SUPT5H: variants seen among roughly 807,000 people sequenced by gnomAD.
SUPT5H encodes SPT5 homolog, DSIF elongation factor subunit.
SUPT5H carries 24 observed loss-of-function variants against 142.5 expected under a neutral mutation model. That is an observed-to-expected ratio of 0.17 (90% confidence interval 0.12 to 0.24). The LOEUF is 0.24. Among genes scored for constraint, SUPT5H ranks in the 10% least tolerant of loss-of-function variants. The pLI is 1.00. For missense variants in SUPT5H, 893 were observed against 1,471.8 expected (o/e 0.61, Z 6.43); for synonymous variants, 546 against 553.0 (o/e 0.99, Z 0.18).
chr19:39,466,766 G>A lies in SUPT5H; in HGVS notation c.1037+21G>A. On this transcript the variant is annotated intron_variant, in intron 13 of 29. Transcript: ENST00000432763. This position sits in a 1 kb window ranked among gnomAD's most constrained non-coding sequence, Gnocchi z 4.3. ...ATCAGGTGCGTGTCCTTGGGGACTG[G>A]CTGGGCTGGGTCCCCAGGGCCGGTG... 1 of 1,612,710 alleles carries A rather than the reference G, an allele frequency of 6.2e-7. No homozygotes were observed. Among genetic ancestry groups the A allele is most frequent in the Non-Finnish European group, 8.5e-7 (1 of 1,178,720 alleles).
Position 39,473,147 on chromosome 19 carries a change from G to C in SUPT5H, c.2258+33G>C, listed in dbSNP as rs774371260. 3.8e-5 allele frequency: 62 copies of C among 1,611,082 alleles called. No individual in the cohort carries two copies. Among genetic ancestry groups the C allele is most frequent in the Non-Finnish European group, 5.3e-5 (62 of 1,179,582 alleles). On this transcript the variant is annotated intron_variant, in intron 23 of 29. Transcript: ENST00000432763. This position sits in a 1 kb window ranked among gnomAD's most constrained non-coding sequence, Gnocchi z 5.8. The stretch of plus-strand genomic sequence containing the variant: ...CGGGGCCTGGGGAGGGCCAGGGTGG[G>C]GCTTGCTAGGCAGTGAGAGGGGTCT...
chr19:39,455,245 A>T (rs1285332839), intron 3 of SUPT5H, among the ~76,000 whole-genome samples: 1 of 152,100 alleles, frequency 6.6e-6, no homozygotes, highest in Non-Finnish European at 1.5e-5. Flanking sequence ...AGAAAAAGAA[A>T]GGTACAGAAC....
rs564362099 is a variant in SUPT5H, at chr19:39,471,408, C to G, written c.1729C>G (p.Arg577Gly). 6.2e-7 allele frequency: 1 copy of G among 1,614,190 alleles called. No individual in the cohort carries two copies. The highest frequency in any genetic ancestry group is 1.3e-5 in the African/African-American group (1 of 75,050). ...GACTGTCAGACATCAGGCTGTGACC[C>G]GGAAGAAGGACAACCGCTTTGCTGT... ...VVTVRHQAVTRKKDNRFAVAL... is the reference protein window; with the variant it reads ...VVTVRHQAVTGKKDNRFAVAL... The change falls in exon 19 of 30, where the codon CGG becomes GGG. Residue 577 changes from arginine to glycine, a missense_variant. By Grantham distance (125) the Arg-to-Gly change is moderately radical. Around this residue, in one of 6 missense-constraint regions of SUPT5H, gnomAD observed 428 missense variants for 763.5 expected, o/e 0.56. Transcript: ENST00000432763.
chr19:39,451,283 G>T (rs1209464711), intron 2 of SUPT5H, among the ~76,000 whole-genome samples: 1 of 147,584 alleles, frequency 6.8e-6, no homozygotes, highest in Non-Finnish European at 1.5e-5. Flanking sequence ...GTGCCTCCCA[G>T]GTTCAAACAA....
chr19:39,476,332 G>C lies in SUPT5H; in HGVS notation c.3197G>C (p.Arg1066Pro). Residue 1066 changes from arginine (R) to proline (P), a missense_variant, in exon 30 of 30, where the codon CGT becomes CCT. This residue lies in a region of SUPT5H where 336 missense variants were observed against 546.5 expected (regional missense o/e 0.61). Transcript: ENST00000432763. Reference protein sequence around the residue: ...LSIDGEDGIVRMDLDEQLKIL... With the variant: ...LSIDGEDGIVPMDLDEQLKIL... ...ATTGATGGTGAGGATGGCATTGTCC[G>C]TATGGACCTTGATGAGCAGCTCAAG... The C allele has an allele frequency of 6.2e-7, 1 of 1,614,112 alleles. No homozygotes were observed. The highest frequency in any genetic ancestry group is 8.5e-7 in the Non-Finnish European group (1 of 1,180,014).
rs1303614644 is a variant in SUPT5H, at chr19:39,458,175, C to A, written c.308-119C>A. On this transcript the variant is annotated intron_variant, in intron 4 of 29. Coordinates refer to ENST00000432763, the MANE Select transcript of SUPT5H (RefSeq NM_001111020.3). This position sits in a 1 kb window ranked among gnomAD's most constrained non-coding sequence, Gnocchi z 4.2. Reference sequence around the variant, plus strand: ...TTCTGTGTCCCTCCCTTCCCCTCCCCCAACCCATTGGTTGATTTTGCTGCT... The same window carrying A: ...TTCTGTGTCCCTCCCTTCCCCTCCCACAACCCATTGGTTGATTTTGCTGCT... The A allele has an allele frequency of 2.7e-6, 4 of 1,490,564 alleles. No individual in the cohort carries two copies. The South Asian group carries it at 3.9e-5, about 15-fold the overall frequency. 92.3% of individuals were successfully genotyped at this position (1,490,564 alleles called of 1,614,324 possible).
Position 39,445,874 on chromosome 19 carries a change from C to A in SUPT5H, c.-17C>A. On this transcript the variant is annotated 5_prime_UTR_variant, in exon 2 of 30. Coordinates refer to ENST00000432763, the MANE Select transcript of SUPT5H (RefSeq NM_001111020.3). ...GGGACGCGCCAAGGCTGCTGTCTTT[C>A]CCAGCAGCAGCGGAAGATGTCGGAC... 1 of 1,612,680 alleles carries A rather than the reference C, an allele frequency of 6.2e-7. No homozygotes were observed. Among genetic ancestry groups the A allele is most frequent in the Non-Finnish European group, 8.5e-7 (1 of 1,179,620 alleles).
intron 14 of SUPT5H, 32 bp downstream of exon 14, chr19:39,468,893 G>A: frequency 6.2e-7 from 1 of 1,603,272 alleles, no homozygotes; most frequent in Non-Finnish European, 8.5e-7. Flanking sequence ...TGGTAATGGG[G>A]GTGGTGTGAG....
chr19:39,449,221 C>T (rs568949562), intron 2 of SUPT5H, among the ~76,000 whole-genome samples: 31 of 152,044 alleles, frequency 2.0e-4, no homozygotes, highest in African/African-American at 5.5e-4. Context: ...ATGTTGAGGA[C>T]GGTGAGAGCA....
At position 39,470,082 on chromosome 19, in the gene SUPT5H, C is replaced by T. The variant is rs2079298361; in HGVS notation, c.1375-37C>T. 1.2e-6 allele frequency: 2 copies of T among 1,602,898 alleles called. No individual in the cohort carries two copies. Among genetic ancestry groups the T allele is most frequent in the Non-Finnish European group, 1.7e-6 (2 of 1,172,796 alleles). On this transcript the variant is annotated intron_variant, in intron 16 of 29. Coordinates refer to ENST00000432763, the MANE Select transcript of SUPT5H (RefSeq NM_001111020.3). The surrounding 1 kb of genome is among the most constrained non-coding windows in gnomAD (Gnocchi z 5.8). ...GGGCAGGCAGGTTGTGGTGGTCTCC[C>T]TTCACCTGTTTGTTGTCCCCACACC... is the stretch of plus-strand genomic sequence containing the variant.
chr19:39,469,464 C>G lies in SUPT5H; in HGVS notation c.1374+66C>G. On this transcript the variant is annotated intron_variant, in intron 16 of 29. Transcript: ENST00000432763. This position sits in a 1 kb window ranked among gnomAD's most constrained non-coding sequence, Gnocchi z 5.1. ...GGCACATCTGACTGTATGTGGCTGT[C>G]GAGGCGGTGGTGTGCCTGGTGACAC... 1 of 1,604,234 alleles carries G rather than the reference C, an allele frequency of 6.2e-7. No homozygotes were observed. The highest frequency in any genetic ancestry group is 8.5e-7 in the Non-Finnish European group (1 of 1,173,142).
intron 3 of SUPT5H, among the ~76,000 whole-genome samples, 175 bp downstream of exon 3, chr19:39,453,696 C>G (rs2079049474): frequency 1.3e-5 from 2 of 152,188 alleles, no homozygotes; most frequent in Middle Eastern, 3.2e-3. Context: ...TCCTGAATAG[C>G]TGGGACTACA....
intron 2 of SUPT5H, among the ~76,000 whole-genome samples, chr19:39,451,633 G>A (rs995387417): frequency 6.6e-6 from 1 of 152,140 alleles, no homozygotes; most frequent in African/African-American, 2.4e-5. Context: ...CCAGTTTCAA[G>A]CGATTCTCCT....
chr19:39,447,450 C>CT (rs59007555), intron 2 of SUPT5H, among the ~76,000 whole-genome samples: 24,428 of 131,902 alleles, frequency 0.19, 2,523 homozygotes, highest in Middle Eastern at 0.29. Context: ...TTGCCATTAT[C>CT]TTTTTTTTTT....
rs541185154 is a variant in SUPT5H at position 39,466,852 on chromosome 19, T to C, written c.1037+107T>C. 18 of 1,080,834 alleles carry C rather than the reference T, an allele frequency of 1.7e-5. No individual in the cohort carries two copies. Among genetic ancestry groups the C allele is most frequent in the Admixed American group, 3.5e-5 (2 of 56,622 alleles). The allele number at this position is 1,080,834 out of a possible 1,614,324, so 67.0% of individuals were successfully genotyped here. On this transcript the variant is annotated intron_variant, in intron 13 of 29. Transcript: ENST00000432763. This position sits in a 1 kb window ranked among gnomAD's most constrained non-coding sequence, Gnocchi z 4.3. ...GTGGCCCCGCCACAGGTTTAGCCTG[T>C]GAATTGGTTAGCTTGGCAGTATAGC...
intron 3 of SUPT5H, 95 bp downstream of exon 3, chr19:39,453,616 T>C: frequency 1.4e-6 from 2 of 1,385,736 alleles, no homozygotes; most frequent in Non-Finnish European, 1.9e-6. Flanking sequence ...TCTCGCTCTG[T>C]CGCCCAGGCT....
chr19:39,469,445 T>A lies in SUPT5H; in HGVS notation c.1374+47T>A. ...GCAGGGGTTGGAGTGTTCAGGCACATCTGACTGTATGTGGCTGTCGAGGCG... is the reference window on the plus strand; with the variant it reads ...GCAGGGGTTGGAGTGTTCAGGCACAACTGACTGTATGTGGCTGTCGAGGCG... On this transcript the variant is annotated intron_variant, in intron 16 of 29. Transcript: ENST00000432763. The surrounding 1 kb of genome is among the most constrained non-coding windows in gnomAD (Gnocchi z 5.1). 1.9e-6 allele frequency: 3 copies of A among 1,613,144 alleles called. No homozygotes were observed. Among genetic ancestry groups the A allele is most frequent in the Non-Finnish European group, 2.5e-6 (3 of 1,179,396 alleles).
rs1020471505 is a variant in SUPT5H at position 39,466,613 on chromosome 19, G to C, written c.966+44G>C. 6.2e-7 allele frequency: 1 copy of C among 1,612,496 alleles called. No homozygotes were observed. The highest frequency in any genetic ancestry group is 8.5e-7 in the Non-Finnish European group (1 of 1,178,542). The stretch of plus-strand genomic sequence containing the variant: ...GGCCTGGGGGGGAGGGAGTGTGCTC[G>C]ATCCCACTGGTGGCCAAGCCCCCTC... On this transcript the variant is annotated intron_variant, in intron 12 of 29. Transcript: ENST00000432763. This position sits in a 1 kb window ranked among gnomAD's most constrained non-coding sequence, Gnocchi z 4.3.
At chr19:39,445,773 G>A (rs1019786737) in intron 1 of SUPT5H, 31 bp from the exon 2 acceptor site, 1 of 1,245,806 alleles carries the variant, frequency 8.0e-7, no homozygotes, top group Non-Finnish European at 1.1e-6. Flanking sequence ...CGAGCCTGCC[G>A]GAAGCGCCCT....
Sources: allele counts gnomAD v4.1 joint callset (sites outside exome capture counted in the v4.1 genomes callset), GRCh38; gene constraint gnomAD v4.1.1; regional missense constraint gnomAD v4.1.1; non-coding constraint Gnocchi (gnomAD v3.1); transcripts MANE v1.5; gene names NCBI Gene and HGNC (gene_info 2026-07-23, HGNC 2026-07-21).